Variants in MEI4 observed in about 807,000 individuals in gnomAD.
MEI4 encodes meiotic double-stranded break formation protein 4.
Under a neutral mutation model 31.4 loss-of-function variants are expected in MEI4, and 27 were observed. The observed-to-expected ratio is 0.86, with a 90% CI of 0.63 to 1.19. The LOEUF (loss-of-function observed/expected upper bound fraction) is 1.19, where lower values mean the gene tolerates loss of function less well. MEI4 is among the 50% of genes most tolerant of loss of function. The pLI is 0.00. For missense variants in MEI4, 329 were observed against 398.9 expected, an observed-to-expected ratio of 0.82 and a Z score of 1.49; for synonymous variants, 122 against 145.4, an observed-to-expected ratio of 0.84 and a Z score of 1.16.
intron 4 of MEI4, among the ~76,000 whole-genome samples, chr6:77,870,631 T>G (rs1262327939): frequency 6.6e-6 from 1 of 152,186 alleles, no homozygotes; most frequent in Non-Finnish European, 1.5e-5. Context: ...GGAGAGAACA[T>G]ATAATTACAT....
chr6:77,676,404 G>A (rs1344370286), intron 1 of MEI4, among the ~76,000 whole-genome samples: 4 of 152,086 alleles, frequency 2.6e-5, no homozygotes, highest in Admixed American at 6.6e-5. Flanking sequence ...GTGCACGCCT[G>A]TAGTTCTAGC....
intron 3 of MEI4, among the ~76,000 whole-genome samples, chr6:77,780,362 A>C (rs1023699828): frequency 6.6e-6 from 1 of 152,114 alleles, no homozygotes; most frequent in African/African-American, 2.4e-5. Context: ...TTAATTACCT[A>C]CAGGTGTGTT....
At chr6:77,863,214 A>G (rs928520514) in intron 4 of MEI4, among the ~76,000 whole-genome samples, 1 of 152,218 alleles carries the variant, frequency 6.6e-6, no homozygotes, top group South Asian at 2.1e-4. Flanking sequence ...CTCACCAGCA[A>G]TGGAACAAAG....
At chr6:77,653,229 T>C (rs1309368857) in intron 1 of MEI4, among the ~76,000 whole-genome samples, 137 bp downstream of exon 1, 4 of 152,200 alleles carry the variant, frequency 2.6e-5, no homozygotes, top group African/African-American at 9.6e-5. Flanking sequence ...TGGCTAAATA[T>C]GAACTAAGTA....
chr6:77,924,247 TATTAATG>T lies in MEI4; in HGVS notation c.*904_*910del, dbSNP rs1766789669. The T allele has an allele frequency of 6.6e-6, 1 of 151,894 alleles. No homozygotes were observed. The highest frequency in any genetic ancestry group is 6.6e-5 in the Admixed American group (1 of 15,192). The allele number at this position is 151,894 out of a possible 1,614,324, so 9.4% of individuals were successfully genotyped here. A position where few individuals can be genotyped will look rare whatever the true frequency, so the allele number is the denominator to read the frequency against. ...GGGAACACAAAATATAAATTTCCTTTATTAATGATATGTGATGGTGTTTCATAAGTTA... is the reference window on the plus strand; with the variant it reads ...GGGAACACAAAATATAAATTTCCTTTATATGTGATGGTGTTTCATAAGTTA... On this transcript the variant is annotated 3_prime_UTR_variant, in exon 5 of 5. Coordinates refer to ENST00000684080, the MANE Select transcript of MEI4 (RefSeq NM_001322247.2).
chr6:77,667,954 GC>G (rs1437173432), intron 1 of MEI4, among the ~76,000 whole-genome samples: 1 of 144,248 alleles, frequency 6.9e-6, no homozygotes, highest in Admixed American at 7.0e-5. Context: ...TATAGATCTA[GC>G]TTAAAAAAAA....
chr6:77,882,899 C>T (rs931973413), intron 4 of MEI4, among the ~76,000 whole-genome samples: 1 of 152,096 alleles, frequency 6.6e-6, no homozygotes, highest in Non-Finnish European at 1.5e-5. Context: ...ATTAAAATCT[C>T]AGACTAAAAT....
chr6:77,874,069 G>A (rs1413997811), intron 4 of MEI4, among the ~76,000 whole-genome samples: 1 of 152,150 alleles, frequency 6.6e-6, no homozygotes, highest in Non-Finnish European at 1.5e-5. Context: ...TTTGACTTAG[G>A]ATTGACTTGG....
rs143337069 is a variant in MEI4 at position 77,761,526 on chromosome 6, C to A, written c.629C>A (p.Thr210Lys). ...AAACTTCCTTTTTCAAGATTTTGGA[C>A]AGAAGCTGTTGGTACTTTAGCTAGT... Reference protein sequence around the residue: ...NPKLPFSRFWTEAVGTLASLI... With the variant: ...NPKLPFSRFWKEAVGTLASLI... The change falls in exon 3 of 5, where the codon ACA (threonine) becomes AAA (lysine). Residue 210 changes from threonine (T) to lysine (K), a missense_variant. Physicochemically the swap from Thr to Lys is moderately conservative, Grantham distance 78. Transcript: ENST00000684080. The A allele has an allele frequency of 2.9e-4, 354 of 1,232,106 alleles. 1 individual carries two copies. The African/African-American group carries it at 4.4e-3, about 15-fold the overall frequency. 76.3% of individuals were successfully genotyped at this position (1,232,106 alleles called of 1,614,324 possible). A position where few individuals can be genotyped will look rare whatever the true frequency, so the allele number is the denominator to read the frequency against.
At chr6:77,706,985 C>T (rs1328090880) in intron 2 of MEI4, among the ~76,000 whole-genome samples, 2 of 151,682 alleles carry the variant, frequency 1.3e-5, no homozygotes, top group Admixed American at 1.3e-4. Context: ...AAAATTGGTA[C>T]TAAACAATGT....
chr6:77,751,627 G>C (rs1371458368), intron 2 of MEI4, among the ~76,000 whole-genome samples: 1 of 151,942 alleles, frequency 6.6e-6, no homozygotes. Context: ...GCAATTAATA[G>C]CCTACTAACC....
chr6:77,705,831 G>C (rs772707312), intron 2 of MEI4, among the ~76,000 whole-genome samples: 1 of 152,122 alleles, frequency 6.6e-6, no homozygotes, highest in Non-Finnish European at 1.5e-5. Context: ...TGTTAGCATT[G>C]GTATAGTAAT....
At chr6:77,829,994 AT>A (rs1038304851) in intron 4 of MEI4, among the ~76,000 whole-genome samples, 1 of 151,922 alleles carries the variant, frequency 6.6e-6, no homozygotes, top group Non-Finnish European at 1.5e-5. Flanking sequence ...GAGCTGTTAG[AT>A]TTTTTTTAAA....
At chr6:77,890,882 G>T (rs531338710) in intron 4 of MEI4, among the ~76,000 whole-genome samples, 1 of 152,122 alleles carries the variant, frequency 6.6e-6, no homozygotes, top group Non-Finnish European at 1.5e-5. Flanking sequence ...TCTTCCTGCT[G>T]CCGTGTGAAT....
chr6:77,736,187 G>T (rs563660796), intron 2 of MEI4, among the ~76,000 whole-genome samples: 1 of 152,160 alleles, frequency 6.6e-6, no homozygotes, highest in Non-Finnish European at 1.5e-5. Flanking sequence ...AGGCTGCTTT[G>T]TTTACCCTAA....
intron 1 of MEI4, among the ~76,000 whole-genome samples, chr6:77,667,686 A>G (rs1768664154): frequency 6.6e-6 from 1 of 152,172 alleles, no homozygotes. Context: ...GGAAATGCAG[A>G]CAAGAGAGCA....
chr6:77,817,718 A>T (rs1442979810), intron 3 of MEI4, among the ~76,000 whole-genome samples: 1 of 152,134 alleles, frequency 6.6e-6, no homozygotes, highest in Non-Finnish European at 1.5e-5. Context: ...AATATCATTT[A>T]AAAAATCTTG....
chr6:77,921,116 A>G (rs1766692618), intron 4 of MEI4, among the ~76,000 whole-genome samples: 2 of 151,886 alleles, frequency 1.3e-5, no homozygotes, highest in Admixed American at 1.3e-4. Flanking sequence ...ATCTTCTTTC[A>G]GTAGAAGGCT....
At chr6:77,816,183 A>G (rs991094753) in intron 3 of MEI4, among the ~76,000 whole-genome samples, 2 of 152,110 alleles carry the variant, frequency 1.3e-5, no homozygotes, top group African/African-American at 4.8e-5. Flanking sequence ...GTAATTGCCT[A>G]TGATATGTTT....
Sources: allele counts gnomAD v4.1 joint callset (sites outside exome capture counted in the v4.1 genomes callset), GRCh38; gene constraint gnomAD v4.1.1; transcripts MANE v1.5; gene names NCBI Gene and HGNC (gene_info 2026-07-23, HGNC 2026-07-21).